SND1: variants seen among roughly 807,000 people sequenced by gnomAD.
SND1 encodes the protein staphylococcal nuclease and tudor domain containing 1, also known as staphylococcal nuclease domain-containing protein 1.
A neutral mutation model predicts 121.7 loss-of-function variants in SND1; 38 were observed. The observed-to-expected ratio is 0.31, with a 90% confidence interval of 0.24 to 0.41. The LOEUF is 0.41. Ranked by LOEUF, SND1 falls within the 10% of genes least tolerant of loss-of-function variation. The probability of loss-of-function intolerance (pLI) is 1.00; values close to 1 mark genes in which losing one functional copy is unlikely to be tolerated. For missense variants in SND1, 868 were observed against 1,184.6 expected (o/e 0.73, Z 3.92); for synonymous variants, 401 against 447.4 (o/e 0.90, Z 1.31).
intron 16 of SND1, among the ~76,000 whole-genome samples, chr7:128,019,464 T>C (rs956576801): frequency 1.3e-5 from 2 of 152,186 alleles, no homozygotes; most frequent in African/African-American, 4.8e-5. Context: ...GTCAGGCCAT[T>C]ATTGGAGGGG....
At chr7:127,681,707 C>G (rs1302126954) in intron 1 of SND1, among the ~76,000 whole-genome samples, 1 of 152,162 alleles carries the variant, frequency 6.6e-6, no homozygotes. Flanking sequence ...ACATGGAGAT[C>G]TAGTTGTCCC....
At chr7:127,817,470 C>T (rs754202543) in intron 11 of SND1, among the ~76,000 whole-genome samples, 1 of 152,102 alleles carries the variant, frequency 6.6e-6, no homozygotes, top group African/African-American at 2.4e-5. Flanking sequence ...TTTCAAAATG[C>T]GTAGACCTGA....
intron 1 of SND1, among the ~76,000 whole-genome samples, chr7:127,683,063 G>T (rs1488489733): frequency 6.6e-6 from 1 of 152,094 alleles, no homozygotes; most frequent in African/African-American, 2.4e-5. Flanking sequence ...GTTTTATTTG[G>T]TGGCGACTGT....
intron 13 of SND1, among the ~76,000 whole-genome samples, chr7:127,895,466 G>A (rs1322136808): frequency 2.0e-5 from 3 of 152,012 alleles, no homozygotes; most frequent in Admixed American, 2.0e-4. Context: ...AATGGCTTCC[G>A]TTCTTTTTTA....
At chr7:127,945,747 G>A (rs1479178599) in intron 15 of SND1, among the ~76,000 whole-genome samples, 1 of 152,168 alleles carries the variant, frequency 6.6e-6, no homozygotes, top group Non-Finnish European at 1.5e-5. Context: ...CCACGTCTGA[G>A]TTTCTAATAA....
At chr7:128,016,139 A>AC (rs2116955806) in intron 16 of SND1, among the ~76,000 whole-genome samples, 1 of 146,928 alleles carries the variant, frequency 6.8e-6, no homozygotes, top group Admixed American at 6.8e-5. Flanking sequence ...AGGGAGGAAC[A>AC]ACTTCCTTTT....
At chr7:128,063,287 C>T (rs756548924) in intron 16 of SND1, among the ~76,000 whole-genome samples, 19 of 152,226 alleles carry the variant, frequency 1.2e-4, no homozygotes, top group Middle Eastern at 3.2e-3. Flanking sequence ...GGAGGCCATC[C>T]TCACTCCAGT....
In SND1 at chr7:127,707,644, C is replaced by T. The variant is rs770605342; in HGVS notation, c.1035C>T (p.Ala345=). 4 of 1,613,196 alleles carry T rather than the reference C, an allele frequency of 2.5e-6. No homozygotes were observed. The highest frequency in any genetic ancestry group is 3.4e-6 in the Non-Finnish European group (4 of 1,179,266). Residue 345 remains alanine, a synonymous_variant, in exon 9 of 24, where the codon GCC becomes GCT. Transcript: ENST00000354725. The part of the protein sequence containing the change: ...NLDQKDKQFV[A]KVMQVLNADA... Reference sequence around the variant, plus strand: ...ACCAAAAGGACAAGCAGTTTGTTGCCAAGGTGAGTCATTCTCAGCATCTTG... The same window carrying T: ...ACCAAAAGGACAAGCAGTTTGTTGCTAAGGTGAGTCATTCTCAGCATCTTG...
At chr7:127,857,119 T>C (rs2116673570) in intron 12 of SND1, among the ~76,000 whole-genome samples, 1 of 151,024 alleles carries the variant, frequency 6.6e-6, no homozygotes, top group South Asian at 2.1e-4. Context: ...TTGCTTGTAC[T>C]AGAACTATGA....
chr7:127,947,147 G>A (rs967619401), intron 15 of SND1, among the ~76,000 whole-genome samples: 3 of 152,162 alleles, frequency 2.0e-5, no homozygotes, highest in African/African-American at 4.8e-5. Flanking sequence ...GAGGCCAGGG[G>A]TCTTTTTGGA....
At chr7:127,979,967 A>G (rs929625214) in intron 15 of SND1, among the ~76,000 whole-genome samples, 4 of 152,246 alleles carry the variant, frequency 2.6e-5, no homozygotes, top group African/African-American at 9.6e-5. Context: ...GGCAAATGCC[A>G]TTCTTGACCC....
At chr7:127,897,093 G>C (rs143489151) in intron 13 of SND1, among the ~76,000 whole-genome samples, 2 of 152,142 alleles carry the variant, frequency 1.3e-5, no homozygotes, top group East Asian at 3.9e-4. Flanking sequence ...TAAATTTCTT[G>C]TAAACTTCCT....
chr7:128,092,330 A>T lies in SND1; in HGVS notation c.*272A>T. ...TTTGGAGGTTTGTGGGCTTTTTTTA[A>T]AAAAAAAAAGTCCTCAAATCAGGAA... On this transcript the variant is annotated 3_prime_UTR_variant, in exon 24 of 24. Transcript: ENST00000354725. The surrounding 1 kb of genome is among the most constrained non-coding windows in gnomAD (Gnocchi z 4.9). 2.3e-6 allele frequency: 1 copy of T among 443,984 alleles called. No individual in the cohort carries two copies. 27.5% of individuals were successfully genotyped at this position (443,984 alleles called of 1,614,324 possible).
At chr7:127,969,615 T>C (rs1801935513) in intron 15 of SND1, among the ~76,000 whole-genome samples, 1 of 152,060 alleles carries the variant, frequency 6.6e-6, no homozygotes, top group African/African-American at 2.4e-5. Flanking sequence ...TCCTAGCTAC[T>C]TACTCGGGAG....
chr7:127,863,984 A>G (rs1799424320), intron 12 of SND1, among the ~76,000 whole-genome samples: 1 of 152,216 alleles, frequency 6.6e-6, no homozygotes, highest in Non-Finnish European at 1.5e-5. Flanking sequence ...GTGAGAGAAA[A>G]GTACCTCAAG....
intron 11 of SND1, among the ~76,000 whole-genome samples, chr7:127,815,117 G>A (rs1408769722): frequency 1.3e-5 from 2 of 152,116 alleles, no homozygotes; most frequent in Non-Finnish European, 2.9e-5. Flanking sequence ...TCTATCCCAT[G>A]AGTATTGCTA....
intron 13 of SND1, among the ~76,000 whole-genome samples, chr7:127,890,421 C>T (rs143138204): frequency 4.5e-4 from 69 of 152,220 alleles, no homozygotes; most frequent in African/African-American, 1.6e-3. Context: ...GGAAATGGAA[C>T]AATTACTAAA....
intron 10 of SND1, among the ~76,000 whole-genome samples, chr7:127,735,314 C>A (rs1796756048): frequency 6.6e-6 from 1 of 152,176 alleles, no homozygotes; most frequent in East Asian, 1.9e-4. Flanking sequence ...GAAGCTGTAA[C>A]TGGCTGTCTT....
intron 15 of SND1, among the ~76,000 whole-genome samples, chr7:127,989,178 G>A (rs1802463934): frequency 6.6e-6 from 1 of 152,176 alleles, no homozygotes; most frequent in Admixed American, 6.5e-5. Flanking sequence ...GAAGTGCCAG[G>A]AATGAGGCAG....
Sources: allele counts gnomAD v4.1 joint callset (sites outside exome capture counted in the v4.1 genomes callset), GRCh38; gene constraint gnomAD v4.1.1; non-coding constraint Gnocchi (gnomAD v3.1); transcripts MANE v1.5; gene names NCBI Gene and HGNC (gene_info 2026-07-23, HGNC 2026-07-21).